The following MAP3K19 variants were observed in gnomAD, a reference collection of about 807,000 sequenced individuals.
MAP3K19 encodes the protein SPS1/STE20-related protein kinase YSK4.
MAP3K19 carries 91 observed loss-of-function variants against 114.4 expected under a neutral mutation model. That is an observed-to-expected ratio of 0.80 (90% CI 0.67 to 0.95). The LOEUF (loss-of-function observed/expected upper bound fraction) is 0.95. MAP3K19 is among the 40% of genes least tolerant of loss of function. The pLI is 0.00. For synonymous variants in MAP3K19, 518 were observed against 530.5 expected, an observed-to-expected ratio of 0.98 and a Z score of 0.32; for missense variants, 1,471 against 1,573.2, an observed-to-expected ratio of 0.94 and a Z score of 1.10.
In MAP3K19 at chr2:135,024,635, G is replaced by C; in HGVS notation, c.13C>G (p.Pro5Ala). Residue 5 changes from proline to alanine, a missense_variant, in exon 4 of 13, where the codon CCA (proline) becomes GCA (alanine). Transcript: ENST00000392915. The stretch of plus-strand genomic sequence containing the variant: ...GAGTGAAAGTATTTACCTGGTTTTG[G>C]CATAGAACTCATTAAAATGTCCAAA... MSSM[P>A]KPERHAESLL... 8.1e-6 allele frequency: 13 copies of C among 1,613,298 alleles called. No individual in the cohort carries two copies. Among genetic ancestry groups the C allele is most frequent in the Non-Finnish European group, 1.0e-5 (12 of 1,179,456 alleles).
At chr2:134,977,103 T>C (rs79198534) in intron 12 of MAP3K19, among the ~76,000 whole-genome samples, 1,737 of 151,294 alleles carry the variant, frequency 0.011, 25 homozygotes, top group African/African-American at 0.035. Context: ...CTCCGGCCTT[T>C]AAAATATGCA....
Position 134,987,169 on chromosome 2 carries a change from C to T in MAP3K19, c.1703G>A (p.Ser568Asn), listed in dbSNP as rs1685197823. 1 of 1,614,140 alleles carries T rather than the reference C, an allele frequency of 6.2e-7. No homozygotes were observed. The highest frequency in any genetic ancestry group is 8.5e-7 in the Non-Finnish European group (1 of 1,180,014). ...GPIKPTMHKT[S>N]IKTQIFPALG... is the part of the protein sequence containing the mutation. Reference sequence around the variant, plus strand: ...AGCCGGGAAAATTTGTGTTTTTATGCTGGTTTTATGCATGGTAGGCTTAAT... The same window carrying T: ...AGCCGGGAAAATTTGTGTTTTTATGTTGGTTTTATGCATGGTAGGCTTAAT... Residue 568 changes from serine to asparagine, a missense_variant, in exon 10 of 13, where the codon AGC becomes AAC. Physicochemically the swap from Ser to Asn is conservative, Grantham distance 46. Coordinates refer to ENST00000392915, the MANE Select transcript of MAP3K19 (RefSeq NM_025052.5).
Position 134,987,104 on chromosome 2 carries a change from A to G in MAP3K19, c.1768T>C (p.Phe590Leu). The change falls in exon 10 of 13, where the codon TTT becomes CTT. Residue 590 changes from phenylalanine to leucine, a missense_variant. Transcript: ENST00000392915. ...VDPRPWQLPR[F>L]QKKMPQIAKK... ...GCTATCTGTGGCATTTTCTTTTGAA[A>G]CCTGGGCAATTGCCAAGGCCTGGGG... The G allele has an allele frequency of 6.2e-7, 1 of 1,613,390 alleles. No homozygotes were observed. The highest frequency in any genetic ancestry group is 8.5e-7 in the Non-Finnish European group (1 of 1,179,976).
intron 9 of MAP3K19, among the ~76,000 whole-genome samples, chr2:134,990,451 T>C (rs1377991952): frequency 7.6e-6 from 1 of 131,348 alleles, no homozygotes; most frequent in Admixed American, 8.1e-5. Flanking sequence ...CTTATGATTT[T>C]CTTTTTTTGT....
chr2:134,967,097 G>C (rs576991487), intron 12 of MAP3K19, among the ~76,000 whole-genome samples: 11 of 152,310 alleles, frequency 7.2e-5, no homozygotes, highest in African/African-American at 2.4e-4. Flanking sequence ...ATGAAATCAA[G>C]GTTTAAGGGA....
In MAP3K19 at chr2:134,986,160, TG is replaced by T; in HGVS notation, c.2711del (p.Thr904LysfsTer29). 1.2e-6 allele frequency: 2 copies of T among 1,613,860 alleles called. No individual in the cohort carries two copies. The highest frequency in any genetic ancestry group is 1.7e-6 in the Non-Finnish European group (2 of 1,179,958). On this transcript the variant is annotated frameshift_variant, in exon 10 of 13. Coordinates refer to ENST00000392915, the MANE Select transcript of MAP3K19 (RefSeq NM_025052.5). LOFTEE classifies it high-confidence loss of function. ...DSVSDHSKTL[T>X]NFSFQAKQES... is the part of the protein sequence containing the mutation. ...CTTGTTTTGCTTGGAAAGAGAAATT[TG>T]TAAGTGTTTTAGAGTGATCTGAAAC...
intron 2 of MAP3K19, among the ~76,000 whole-genome samples, chr2:135,033,788 C>A (rs1688454831): frequency 1.5e-5 from 1 of 68,804 alleles, no homozygotes. Context: ...CAGAGGCGCC[C>A]CTCACCTCCC....
At position 134,986,905 on chromosome 2, in the gene MAP3K19, G is replaced by A. The variant is rs1685171169; in HGVS notation, c.1967C>T (p.Thr656Ile). Residue 656 changes from threonine (T) to isoleucine (I), a missense_variant, in exon 10 of 13, where the codon ACT (threonine) becomes ATT (isoleucine). Coordinates refer to ENST00000392915, the MANE Select transcript of MAP3K19 (RefSeq NM_025052.5). ...YSDMFKEINS[T>I]ANGPGIYEMF... ...TTCATAGATTCCAGGTCCATTAGCAGTTGAATTGATTTCTTTGAACATATC... is the reference window on the plus strand; with the variant it reads ...TTCATAGATTCCAGGTCCATTAGCAATTGAATTGATTTCTTTGAACATATC... The A allele has an allele frequency of 6.2e-7, 1 of 1,614,182 alleles. No homozygotes were observed. Among genetic ancestry groups the A allele is most frequent in the East Asian group, 2.2e-5 (1 of 44,880 alleles).
chr2:134,964,992 AC>A, intron 12 of MAP3K19, 76 bp from the exon 13 acceptor site: 1 of 1,085,730 alleles, frequency 9.2e-7, no homozygotes, highest in Non-Finnish European at 1.4e-6. Flanking sequence ...TTAAATGTGA[AC>A]TTTTAAAGAC....
At chr2:135,042,395 T>C (rs1047187436) in intron 1 of MAP3K19, among the ~76,000 whole-genome samples, 3 of 149,270 alleles carry the variant, frequency 2.0e-5, no homozygotes, top group African/African-American at 7.4e-5. Context: ...CCAGCTACTC[T>C]GGAGGCTGAG....
intron 5 of MAP3K19, 90 bp from the exon 6 acceptor site, chr2:135,005,621 G>T (rs985655040): frequency 1.1e-5 from 10 of 900,076 alleles, no homozygotes; most frequent in Non-Finnish European, 1.8e-5. Flanking sequence ...CTGGGCTAAA[G>T]ATTTACACCA....
Position 134,986,749 on chromosome 2 carries a change from C to T in MAP3K19, c.2123G>A (p.Arg708Lys), listed in dbSNP as rs1298202631. The T allele has an allele frequency of 1.2e-6, 2 of 1,614,006 alleles. No homozygotes were observed. Among genetic ancestry groups the T allele is most frequent in the Non-Finnish European group, 1.7e-6 (2 of 1,180,030 alleles). Reference sequence around the variant, plus strand: ...AAGTCTTGTTCTGATATTGCTCTTCCTCTCACTGTGTGAAGATCGACATTT... The same window carrying T: ...AAGTCTTGTTCTGATATTGCTCTTCTTCTCACTGTGTGAAGATCGACATTT... ...TNKCRSSHSE[R>K]KSNIRTRLSQ... is the part of the protein sequence containing the mutation. Residue 708 changes from arginine (R) to lysine (K), a missense_variant, in exon 10 of 13, where the codon AGG becomes AAG. Transcript: ENST00000392915.
At chr2:134,994,824 G>A (rs944475187) in intron 8 of MAP3K19, among the ~76,000 whole-genome samples, 1 of 152,070 alleles carries the variant, frequency 6.6e-6, no homozygotes, top group Non-Finnish European at 1.5e-5. Context: ...AAATTCAACT[G>A]ATATGTGAGG....
intron 6 of MAP3K19, among the ~76,000 whole-genome samples, chr2:135,003,593 C>T (rs1310109395): frequency 6.6e-6 from 1 of 151,308 alleles, no homozygotes; most frequent in Non-Finnish European, 1.5e-5. Flanking sequence ...CTCACTCTGT[C>T]ACCCAGGTTG....
At chr2:135,041,887 C>A (rs1178809372) in intron 1 of MAP3K19, among the ~76,000 whole-genome samples, 1 of 152,092 alleles carries the variant, frequency 6.6e-6, no homozygotes, top group South Asian at 2.1e-4. Context: ...CACACAAATA[C>A]CTTCAGAATT....
rs1392078524 is a variant in MAP3K19, at chr2:134,994,897, A to G, written c.575-3317T>C. On this transcript the variant is annotated intron_variant, in intron 8 of 12. Transcript: ENST00000392915. The stretch of plus-strand genomic sequence containing the variant: ...TATGAACATACAGAGAACAGATCAA[A>G]CTGAAAGAAAGAAAAGAGCTCAGAA... Among the ~76,000 whole-genome samples the G allele has an allele frequency of 2.0e-5, 3 of 152,358 alleles. No homozygotes were observed. In the East Asian group the frequency reaches 5.8e-4, roughly 29 times the overall value.
chr2:134,986,911 T>C lies in MAP3K19; in HGVS notation c.1961A>G (p.Asn654Ser), dbSNP rs774677182. ...GATTCCAGGTCCATTAGCAGTTGAA[T>C]TGATTTCTTTGAACATATCACTATA... is the stretch of plus-strand genomic sequence containing the variant. The part of the protein sequence containing the change: ...LKYSDMFKEI[N>S]STANGPGIYE... Residue 654 changes from asparagine (N) to serine (S), a missense_variant, in exon 10 of 13, where the codon AAT becomes AGT. Transcript: ENST00000392915. The C allele has an allele frequency of 3.1e-6, 5 of 1,614,212 alleles. No homozygotes were observed. Among genetic ancestry groups the C allele is most frequent in the East Asian group, 2.2e-5 (1 of 44,888 alleles).
intron 1 of MAP3K19, among the ~76,000 whole-genome samples, chr2:135,044,537 C>T (rs1574062309): frequency 1.3e-5 from 2 of 152,198 alleles, no homozygotes; most frequent in African/African-American, 2.4e-5. Context: ...TTGCAGTGAG[C>T]TGAGATTGCA....
chr2:134,995,667 A>C (rs1184222411), intron 8 of MAP3K19, among the ~76,000 whole-genome samples: 2 of 152,192 alleles, frequency 1.3e-5, no homozygotes, highest in African/African-American at 4.8e-5. Context: ...TGCTGAGATA[A>C]ATACAATGTC....
Sources: allele counts gnomAD v4.1 joint callset (sites outside exome capture counted in the v4.1 genomes callset), GRCh38; gene constraint gnomAD v4.1.1; transcripts MANE v1.5; gene names NCBI Gene and HGNC (gene_info 2026-07-23, HGNC 2026-07-21).